HTT-AS: variants seen among roughly 807,000 people sequenced by gnomAD.
HTT-AS encodes HTT antisense RNA (head to head).
chr4:3,074,611 G>GCGGCCCCGCC (rs1415161607), upstream of HTT-AS: 9 of 433,908 alleles, frequency 2.1e-5, no homozygotes, highest in East Asian at 1.8e-4. Flanking sequence ...GCTGGCCGGC[G>GCGGCCCCGCC]TGGCCCCGCC....
chr4:3,050,986 C>G (rs1326293367), intron 2 of HTT-AS, among the ~76,000 whole-genome samples: 1 of 150,196 alleles, frequency 6.7e-6, no homozygotes, highest in African/African-American at 2.5e-5. Context: ...ACCAGTTTGA[C>G]CATGAGGTGA....
At chr4:3,067,374 T>C (rs1712075753) in intron 1 of HTT-AS, among the ~76,000 whole-genome samples, 1 of 152,136 alleles carries the variant, frequency 6.6e-6, no homozygotes, top group Admixed American at 6.5e-5. Context: ...GCCCAGTGAA[T>C]TCCAAGGAGA....
chr4:3,062,258 G>A (rs1038419282), intron 2 of HTT-AS, among the ~76,000 whole-genome samples: 4 of 152,066 alleles, frequency 2.6e-5, no homozygotes, highest in Non-Finnish European at 4.4e-5. Flanking sequence ...TAAAACCCCT[G>A]AGCTCAAATG....
intron 1 of HTT-AS, among the ~76,000 whole-genome samples, chr4:3,073,842 G>A (rs1712273375): frequency 6.6e-6 from 1 of 152,156 alleles, no homozygotes; most frequent in South Asian, 2.1e-4. Flanking sequence ...CTGGCTCCCC[G>A]CAGGGCTGTC....
chr4:3,069,561 A>G (rs892197238), intron 1 of HTT-AS, among the ~76,000 whole-genome samples: 2 of 152,138 alleles, frequency 1.3e-5, no homozygotes, highest in Non-Finnish European at 2.9e-5. Context: ...GACCTCACGT[A>G]TATCAACGAT....
chr4:3,066,562 C>T (rs1370060947), intron 1 of HTT-AS, among the ~76,000 whole-genome samples: 1 of 152,152 alleles, frequency 6.6e-6, no homozygotes, highest in Non-Finnish European at 1.5e-5. Context: ...TTGGGGTCCA[C>T]TTTGGGGTCC....
intron 1 of HTT-AS, among the ~76,000 whole-genome samples, chr4:3,071,944 G>C (rs527878941): frequency 1.3e-5 from 2 of 152,300 alleles, no homozygotes; most frequent in South Asian, 4.2e-4. Context: ...AAGCTGCCCG[G>C]TCTGTGGTAC....
intron 1 of HTT-AS, among the ~76,000 whole-genome samples, chr4:3,073,809 T>C (rs1005511516): frequency 6.6e-6 from 1 of 151,918 alleles, no homozygotes; most frequent in Non-Finnish European, 1.5e-5. Flanking sequence ...GCCCACCCTC[T>C]CCCCGTGCAG....
At position 3,060,021 on chromosome 4, in the gene HTT-AS, C is replaced by A. The variant is rs538364087; in HGVS notation, n.1380+2413G>T. On this transcript the variant is annotated intron_variant and non_coding_transcript_variant, in intron 2 of 2. Coordinates refer to ENST00000664062, the Ensembl canonical transcript of HTT-AS. ...ACTGCAACCTCTGTCTCCTGGGTTC[C>A]AGTGATTCTCCTGCGTCGGTCTCCT... Among the ~76,000 whole-genome samples the A allele has an allele frequency of 5.0e-4, 75 of 149,306 alleles. 1 individual carries two copies. Among genetic ancestry groups the A allele is most frequent in the African/African-American group, 1.5e-3 (59 of 40,496 alleles).
At chr4:3,047,792 C>G (rs1711622676), downstream of HTT-AS, among the ~76,000 whole-genome samples, 3 of 152,246 alleles carry the variant, frequency 2.0e-5, no homozygotes, top group South Asian at 6.2e-4. Context: ...CGGTCACGCT[C>G]CTGTTTCACT....
intron 1 of HTT-AS, among the ~76,000 whole-genome samples, chr4:3,066,842 C>T (rs144905889): frequency 1.3e-4 from 20 of 152,242 alleles, no homozygotes; most frequent in East Asian, 1.2e-3. Context: ...TTACCAGGAA[C>T]GTGATATGAG....
chr4:3,052,927 C>T (rs550553583), intron 2 of HTT-AS, among the ~76,000 whole-genome samples: 9 of 151,802 alleles, frequency 5.9e-5, no homozygotes, highest in South Asian at 2.1e-4. Flanking sequence ...ACCCAGGAGG[C>T]GGAGGTTGCA....
At chr4:3,049,338 C>A (rs112371196) in exon 3 of HTT-AS, among the ~76,000 whole-genome samples, 3 of 152,066 alleles carry the variant, frequency 2.0e-5, no homozygotes, top group Non-Finnish European at 2.9e-5. Context: ...GTATGAGAAT[C>A]GCTTGAACCC....
chr4:3,046,190 C>T (rs1229080941), downstream of HTT-AS, among the ~76,000 whole-genome samples: 4 of 152,176 alleles, frequency 2.6e-5, no homozygotes, highest in African/African-American at 9.7e-5. Flanking sequence ...AATTGGGCAG[C>T]CCCCAGAATC....
chr4:3,068,385 G>A (rs1053251643), intron 1 of HTT-AS, among the ~76,000 whole-genome samples: 1 of 148,462 alleles, frequency 6.7e-6, no homozygotes, highest in African/African-American at 2.5e-5. Context: ...CCTTTGATTC[G>A]ATACCCACCA....
downstream of HTT-AS, among the ~76,000 whole-genome samples, chr4:3,048,778 ATG>A (rs1472700873): frequency 1.4e-4 from 21 of 152,350 alleles, no homozygotes; most frequent in African/African-American, 5.0e-4. Context: ...ACAGCCTATC[ATG>A]AGGGATACAT....
rs180915796 is a variant in HTT-AS, at chr4:3,071,618, A to G, written n.113+2808T>C. On this transcript the variant is annotated intron_variant and non_coding_transcript_variant, in intron 1 of 2. Coordinates refer to ENST00000664062, the Ensembl canonical transcript of HTT-AS. Reference sequence around the variant, plus strand: ...GGGTGCAACTCTATTACTTATTGTTATGGGACGAACTGTGTCCCTCATTCA... The same window carrying G: ...GGGTGCAACTCTATTACTTATTGTTGTGGGACGAACTGTGTCCCTCATTCA... 3.5e-3 allele frequency among the ~76,000 whole-genome samples: 536 copies of G among 152,294 alleles called. 4 individuals are homozygous for G. Among genetic ancestry groups the G allele is most frequent in the African/African-American group, 0.013 (522 of 41,554 alleles).
chr4:3,056,153 T>G (rs75318580), intron 2 of HTT-AS, among the ~76,000 whole-genome samples: 2,282 of 152,278 alleles, frequency 0.015, 23 homozygotes, highest in African/African-American at 0.027. Flanking sequence ...CATTAGAAGC[T>G]TTACTTTGGA....
At chr4:3,047,593 T>A (rs576680092), downstream of HTT-AS, among the ~76,000 whole-genome samples, 8 of 152,118 alleles carry the variant, frequency 5.3e-5, no homozygotes, top group Admixed American at 4.6e-4. Flanking sequence ...CTAGTGGTAA[T>A]GACAGTGCCT....
Sources: gnomAD v4.1 joint callset for allele counts (sites outside exome capture counted in the v4.1 genomes callset) on GRCh38, gnomAD v4.1.1 for gene constraint, MANE v1.5 for transcripts, NCBI Gene and HGNC (gene_info 2026-07-23, HGNC 2026-07-21) for gene names.